MGMT: variants seen among roughly 807,000 people sequenced by gnomAD.
The protein encoded by MGMT is O-6-methylguanine-DNA methyltransferase.
In MGMT, 14 loss-of-function variants were observed where a neutral mutation model predicts 15.9. The observed-to-expected ratio is 0.88, with a 90% CI of 0.58 to 1.37. The LOEUF (loss-of-function observed/expected upper bound fraction) is 1.37, where lower values mean the gene tolerates loss of function less well. Ranked by LOEUF, MGMT falls within the 40% of genes most tolerant of loss-of-function variation. MGMT has a pLI of 0.00. For missense variants in MGMT, 282 were observed against 268.1 expected, an observed-to-expected ratio of 1.05 and a Z score of -0.36; for synonymous variants, 130 against 118.2, an observed-to-expected ratio of 1.10 and a Z score of -0.65.
In MGMT at chr10:129,542,122, C is replaced by T. The variant is rs190204703; in HGVS notation, c.125+5745C>T. ...CCCTCGAAACGTGCCCCATGGAAAG[C>T]GTGAAGATGCCTTTGAGCTTCCCGA... On this transcript the variant is annotated intron_variant, in intron 2 of 4. Coordinates refer to ENST00000651593, the MANE Select transcript of MGMT (RefSeq NM_002412.5). 6.5e-3 allele frequency among the ~76,000 whole-genome samples: 992 copies of T among 152,292 alleles called. 5 individuals are homozygous for T. The highest frequency in any genetic ancestry group is 9.9e-3 in the Non-Finnish European group (671 of 68,024).
chr10:129,693,104 T>C (rs1488250422), intron 2 of MGMT, among the ~76,000 whole-genome samples: 1 of 152,240 alleles, frequency 6.6e-6, no homozygotes, highest in Non-Finnish European at 1.5e-5. Flanking sequence ...GATGGATTAT[T>C]CTTGTACCTG....
chr10:129,694,331 G>C (rs1848005280), intron 2 of MGMT: 1 of 152,310 alleles, frequency 6.6e-6, no homozygotes, highest in Non-Finnish European at 1.5e-5. Context: ...AATAAATGCT[G>C]CATTGTTTTG....
chr10:129,678,695 G>A (rs1237610590), intron 2 of MGMT, among the ~76,000 whole-genome samples: 1 of 152,142 alleles, frequency 6.6e-6, no homozygotes, highest in Non-Finnish European at 1.5e-5. Flanking sequence ...ACTCCCTAAT[G>A]TTTTAATGAC....
In MGMT at chr10:129,676,332, C is replaced by G. The variant is rs368276783; in HGVS notation, c.126-31563C>G. On this transcript the variant is annotated intron_variant, in intron 2 of 4. Transcript: ENST00000651593. The stretch of plus-strand genomic sequence containing the variant: ...CCAGGCTCGGTGTGGGCGGCACCCA[C>G]CAGTTCCTTCTGTGAACATACAGGT... Among the ~76,000 whole-genome samples, 448 of 152,334 alleles carry G rather than the reference C, an allele frequency of 2.9e-3. 4 individuals carry two copies. Among genetic ancestry groups the G allele is most frequent in the African/African-American group, 0.011 (440 of 41,574 alleles).
At chr10:129,626,952 G>A (rs368970271) in intron 2 of MGMT, among the ~76,000 whole-genome samples, 6 of 152,170 alleles carry the variant, frequency 3.9e-5, no homozygotes, top group African/African-American at 4.8e-5. Context: ...GGCTCCCAGC[G>A]CACCCAGAGA....
At chr10:129,667,662 G>A (rs1320671392) in intron 2 of MGMT, among the ~76,000 whole-genome samples, 2 of 152,122 alleles carry the variant, frequency 1.3e-5, no homozygotes, top group Non-Finnish European at 2.9e-5. Flanking sequence ...CTGGTTATAC[G>A]GTATGGATGT....
chr10:129,744,719 G>A (rs1203279333), intron 3 of MGMT, among the ~76,000 whole-genome samples: 1 of 152,190 alleles, frequency 6.6e-6, no homozygotes, highest in Non-Finnish European at 1.5e-5. Flanking sequence ...CCTCCACAGG[G>A]ACCACAGACC....
intron 1 of MGMT, among the ~76,000 whole-genome samples, chr10:129,523,556 G>A (rs188853271): frequency 7.6e-4 from 116 of 152,254 alleles, no homozygotes; most frequent in African/African-American, 2.5e-3. Flanking sequence ...TGGGAGGGCC[G>A]GGCTGCCGAC....
chr10:129,586,953 T>C (rs1249812434), intron 2 of MGMT, among the ~76,000 whole-genome samples: 1 of 152,234 alleles, frequency 6.6e-6, no homozygotes, highest in African/African-American at 2.4e-5. Flanking sequence ...TACTGTCTTT[T>C]AGTGTTTTTA....
intron 3 of MGMT, among the ~76,000 whole-genome samples, chr10:129,734,956 G>A (rs995438555): frequency 7.2e-5 from 11 of 152,068 alleles, no homozygotes; most frequent in South Asian, 2.1e-4. Context: ...TGCTGGATTC[G>A]GTTTGCCAGT....
intron 2 of MGMT, among the ~76,000 whole-genome samples, chr10:129,661,322 C>T (rs74160257): frequency 0.016 from 2,428 of 152,024 alleles, 75 homozygotes; most frequent in African/African-American, 0.056. Context: ...ATTGTTTGGC[C>T]GAAGGGCATA....
chr10:129,604,764 G>C (rs892119080), intron 2 of MGMT, among the ~76,000 whole-genome samples: 6 of 135,908 alleles, frequency 4.4e-5, no homozygotes, highest in Non-Finnish European at 1.5e-5. Flanking sequence ...TTCAGGCTGT[G>C]ACCTCAAGGC....
intron 2 of MGMT, among the ~76,000 whole-genome samples, chr10:129,657,707 GCACACACACACACA>G (rs57838117): frequency 5.4e-5 from 6 of 111,470 alleles, no homozygotes; most frequent in Non-Finnish European, 9.9e-5. Flanking sequence ...ACACACACAC[GCACACACACACACA>G]CACACACCCC....
intron 2 of MGMT, among the ~76,000 whole-genome samples, chr10:129,591,154 A>G (rs1005874278): frequency 1.3e-5 from 2 of 152,172 alleles, no homozygotes; most frequent in Admixed American, 6.5e-5. Context: ...CCCCAGGAGA[A>G]GGCGAGACTG....
chr10:129,762,352 G>T (rs565695712), intron 4 of MGMT, among the ~76,000 whole-genome samples: 1 of 152,324 alleles, frequency 6.6e-6, no homozygotes, highest in South Asian at 2.1e-4. Context: ...AGCACGTGCT[G>T]GTTCATATTA....
At chr10:129,722,542 A>G (rs1463304671) in intron 3 of MGMT, among the ~76,000 whole-genome samples, 2 of 152,226 alleles carry the variant, frequency 1.3e-5, no homozygotes, top group African/African-American at 4.8e-5. Context: ...AAAAAGAAGA[A>G]TGAATTTGTA....
intron 2 of MGMT, among the ~76,000 whole-genome samples, chr10:129,602,519 C>T (rs1210339028): frequency 6.6e-6 from 1 of 152,144 alleles, no homozygotes; most frequent in East Asian, 1.9e-4. Flanking sequence ...TGTGAACTTA[C>T]AAATCTGTGT....
chr10:129,546,825 T>A (rs1846103187), intron 2 of MGMT, among the ~76,000 whole-genome samples: 1 of 152,218 alleles, frequency 6.6e-6, no homozygotes, highest in Non-Finnish European at 1.5e-5. Flanking sequence ...TGTGTTTGAT[T>A]AGTTTGACTT....
At chr10:129,505,376 TAGG>T (rs1394220701) in intron 1 of MGMT, among the ~76,000 whole-genome samples, 1 of 152,170 alleles carries the variant, frequency 6.6e-6, no homozygotes, top group Admixed American at 6.6e-5. Context: ...CATGTTAAAA[TAGG>T]GGGCTGACAA....
Sources: allele counts gnomAD v4.1 joint callset (sites outside exome capture counted in the v4.1 genomes callset), GRCh38; gene constraint gnomAD v4.1.1; transcripts MANE v1.5; gene names NCBI Gene and HGNC (gene_info 2026-07-23, HGNC 2026-07-21).